The following CPNE8 variants were observed in gnomAD, a reference collection of about 807,000 sequenced individuals.
CPNE8 encodes the protein copine 8.
Under a neutral mutation model 81.5 loss-of-function variants are expected in CPNE8, and 45 were observed. The observed-to-expected ratio is 0.55, with a 90% CI of 0.44 to 0.71. The LOEUF is 0.71. CPNE8 is among the 30% of genes least tolerant of loss of function. The probability of loss-of-function intolerance (pLI) is 0.00; values close to 1 mark genes in which losing one functional copy is unlikely to be tolerated. For missense variants in CPNE8, 594 were observed against 672.1 expected, an observed-to-expected ratio of 0.88 and a Z score of 1.28; for synonymous variants, 252 against 226.3, an observed-to-expected ratio of 1.11 and a Z score of -1.02.
Position 38,799,008 on chromosome 12 carries a change from A to G in CPNE8, c.408-22707T>C, listed in dbSNP as rs61937798. On this transcript the variant is annotated intron_variant, in intron 6 of 19. Coordinates refer to ENST00000331366, the MANE Select transcript of CPNE8 (RefSeq NM_153634.3). Reference sequence around the variant, plus strand: ...CAATAAGAAGAGCTAACTGTCCTAAATATATATTCACCCAATACAGGAGCA... The same window carrying G: ...CAATAAGAAGAGCTAACTGTCCTAAGTATATATTCACCCAATACAGGAGCA... 4.1e-3 allele frequency among the ~76,000 whole-genome samples: 625 copies of G among 152,330 alleles called. 3 individuals are homozygous for G. Among genetic ancestry groups the G allele is most frequent in the Middle Eastern group, 0.017 (5 of 294 alleles).
At chr12:38,849,517 G>A (rs1486524614) in intron 3 of CPNE8, among the ~76,000 whole-genome samples, 2 of 152,124 alleles carry the variant, frequency 1.3e-5, no homozygotes, top group African/African-American at 4.8e-5. Context: ...TTTTATTAAA[G>A]TTCAATGAAA....
At chr12:38,708,696 C>T (rs1940175130) in intron 13 of CPNE8, among the ~76,000 whole-genome samples, 1 of 152,036 alleles carries the variant, frequency 6.6e-6, no homozygotes, top group African/African-American at 2.4e-5. Flanking sequence ...CTGTGAATGA[C>T]AGAGAAATCA....
intron 1 of CPNE8, among the ~76,000 whole-genome samples, chr12:38,888,279 C>T (rs899275619): frequency 6.6e-6 from 1 of 152,176 alleles, no homozygotes; most frequent in Non-Finnish European, 1.5e-5. Context: ...CTCAACATTT[C>T]AACATTTCAA....
At chr12:38,858,210 G>T (rs1380740808) in intron 3 of CPNE8, among the ~76,000 whole-genome samples, 1 of 152,150 alleles carries the variant, frequency 6.6e-6, no homozygotes, top group African/African-American at 2.4e-5. Flanking sequence ...ACTACCTTTT[G>T]TCCTAAAGAC....
chr12:38,837,783 T>C (rs796169346), intron 5 of CPNE8, among the ~76,000 whole-genome samples: 9 of 152,096 alleles, frequency 5.9e-5, no homozygotes, highest in African/African-American at 2.2e-4. Flanking sequence ...GTCAGGGTAG[T>C]TTAAGCAGAA....
chr12:38,680,461 C>T (rs1939384101), intron 16 of CPNE8, among the ~76,000 whole-genome samples: 1 of 151,976 alleles, frequency 6.6e-6, no homozygotes, highest in Non-Finnish European at 1.5e-5. Context: ...ATCACTGTAT[C>T]CACATAGATA....
chr12:38,827,845 G>C (rs1003277719), intron 6 of CPNE8, among the ~76,000 whole-genome samples: 2 of 152,084 alleles, frequency 1.3e-5, no homozygotes, highest in African/African-American at 4.8e-5. Flanking sequence ...AGGAAAGTGA[G>C]GACCGAAAAA....
chr12:38,810,653 G>A (rs1942916539), intron 6 of CPNE8, among the ~76,000 whole-genome samples: 1 of 152,088 alleles, frequency 6.6e-6, no homozygotes, highest in South Asian at 2.1e-4. Flanking sequence ...TAAACTTAGT[G>A]GGCTAAAACA....
intron 13 of CPNE8, among the ~76,000 whole-genome samples, chr12:38,707,572 T>C (rs186812753): frequency 6.6e-6 from 1 of 152,276 alleles, no homozygotes; most frequent in East Asian, 1.9e-4. Flanking sequence ...GATGCATTCA[T>C]TTAGCACTAA....
At chr12:38,816,243 A>C (rs1264955116) in intron 6 of CPNE8, among the ~76,000 whole-genome samples, 2 of 152,190 alleles carry the variant, frequency 1.3e-5, no homozygotes, top group African/African-American at 4.8e-5. Flanking sequence ...GAAACATATA[A>C]ATGTGACTAT....
At chr12:38,730,434 G>A (rs536751548) in intron 10 of CPNE8, 76 bp from the exon 11 acceptor site, 2 of 736,150 alleles carry the variant, frequency 2.7e-6, no homozygotes, top group Admixed American at 2.5e-5. Context: ...TTTTAGAAAG[G>A]TTTAATCATT....
At chr12:38,796,500 G>C (rs1265019052) in intron 6 of CPNE8, among the ~76,000 whole-genome samples, 1 of 152,138 alleles carries the variant, frequency 6.6e-6, no homozygotes, top group Non-Finnish European at 1.5e-5. Flanking sequence ...GTCATACTCT[G>C]GGAGATGTTT....
At chr12:38,865,903 C>T (rs1943906074) in intron 3 of CPNE8, among the ~76,000 whole-genome samples, 1 of 152,194 alleles carries the variant, frequency 6.6e-6, no homozygotes, top group Non-Finnish European at 1.5e-5. Context: ...TAGACTTCAA[C>T]TAAGCTTTAT....
chr12:38,704,820 G>GTGTGTGTATATA (rs1565575515), intron 13 of CPNE8, among the ~76,000 whole-genome samples: 3 of 52,038 alleles, frequency 5.8e-5, no homozygotes, highest in African/African-American at 1.8e-4. Context: ...GTGTGTGTAT[G>GTGTGTGTATATA]TATGTGTATA....
At chr12:38,777,039 A>C (rs1941952292) in intron 6 of CPNE8, among the ~76,000 whole-genome samples, 2 of 152,042 alleles carry the variant, frequency 1.3e-5, no homozygotes, top group Admixed American at 1.3e-4. Flanking sequence ...AAAAAAAAAA[A>C]ACAAAGCTAA....
At chr12:38,758,896 G>A (rs78149073) in intron 10 of CPNE8, among the ~76,000 whole-genome samples, 4,124 of 152,208 alleles carry the variant, frequency 0.027, 174 homozygotes, top group African/African-American at 0.091. Flanking sequence ...TTTGAAGGAA[G>A]ACAATACAAT....
intron 1 of CPNE8, among the ~76,000 whole-genome samples, chr12:38,900,061 T>G (rs1944436719): frequency 6.6e-6 from 1 of 152,236 alleles, no homozygotes; most frequent in African/African-American, 2.4e-5. Context: ...AATTTAATTT[T>G]GTTTATATAA....
intron 16 of CPNE8, 50 bp from the exon 17 acceptor site, chr12:38,677,604 A>T (rs1939319882): frequency 1.0e-6 from 1 of 997,808 alleles, no homozygotes; most frequent in South Asian, 1.3e-5. Context: ...TCTATATGTG[A>T]TGGTTGGTAA....
chr12:38,820,597 G>C (rs1173342342), intron 6 of CPNE8, among the ~76,000 whole-genome samples: 1 of 152,106 alleles, frequency 6.6e-6, no homozygotes, highest in East Asian at 1.9e-4. Flanking sequence ...AACTGAGAAT[G>C]TTCGCTGAAT....
Sources: gnomAD v4.1 joint callset for allele counts (sites outside exome capture counted in the v4.1 genomes callset) on GRCh38, gnomAD v4.1.1 for gene constraint, MANE v1.5 for transcripts, NCBI Gene and HGNC (gene_info 2026-07-23, HGNC 2026-07-21) for gene names.